NPAS2: variants seen among roughly 807,000 people sequenced by gnomAD.
NPAS2 encodes the protein neuronal PAS domain-containing protein 2.
In NPAS2, 23 loss-of-function variants were observed where a neutral mutation model predicts 107.5. That is an observed-to-expected ratio of 0.21 (90% CI 0.15 to 0.30). NPAS2 has a LOEUF of 0.30. Among genes scored for constraint, NPAS2 ranks in the 10% least tolerant of loss-of-function variants. The pLI, the probability that NPAS2 is intolerant of heterozygous loss-of-function variation, is 1.00. For synonymous variants in NPAS2, 403 were observed against 417.5 expected, an observed-to-expected ratio of 0.97 and a Z score of 0.42; for missense variants, 756 against 1,043.3, an observed-to-expected ratio of 0.72 and a Z score of 3.79.
rs1478146789 is a variant in NPAS2, at chr2:100,968,719, A to G, written c.1055+291A>G. Among the ~76,000 whole-genome samples the G allele has an allele frequency of 6.6e-6, 1 of 152,170 alleles. No individual in the cohort carries two copies. The highest frequency in any genetic ancestry group is 1.5e-5 in the Non-Finnish European group (1 of 68,028). On this transcript the variant is annotated intron_variant, in intron 11 of 20. Transcript: ENST00000335681. The surrounding 1 kb of genome is among the most constrained non-coding windows in gnomAD (Gnocchi z 5.3). ...GCAGGCTGCCAGGATATTACTTAGT[A>G]AGTGACTGCTTCACTGACCTACTTA...
At chr2:100,951,934 G>T (rs1286048096) in intron 7 of NPAS2, among the ~76,000 whole-genome samples, 2 of 152,086 alleles carry the variant, frequency 1.3e-5, no homozygotes, top group African/African-American at 4.8e-5. Context: ...CGGATCACGA[G>T]GTCAGGAGAT....
intron 1 of NPAS2, chr2:100,878,250 G>T (rs1216594077): frequency 5.1e-6 from 5 of 985,284 alleles, no homozygotes; most frequent in Non-Finnish European, 6.0e-6. Context: ...AAATATAGAG[G>T]ACTGTCCGAG....
rs142573768 is a variant in NPAS2 at position 100,959,064 on chromosome 2, G to A, written c.599-4994G>A. Among the ~76,000 whole-genome samples the A allele has an allele frequency of 1.4e-3, 195 of 135,616 alleles. 5 individuals are homozygous for A. The East Asian group carries it at 0.041, about 28-fold the overall frequency. The allele number at this position is 135,616 out of a possible 152,430, so 89.0% of individuals were successfully genotyped here. A position where few individuals can be genotyped will look rare whatever the true frequency, so the allele number is the denominator to read the frequency against. Reference sequence around the variant, plus strand: ...GCTCAGGAGTTTGAGACCAGCCTGGGCAACATGGTGAAACCCCATCTCTTC... The same window carrying A: ...GCTCAGGAGTTTGAGACCAGCCTGGACAACATGGTGAAACCCCATCTCTTC... On this transcript the variant is annotated intron_variant, in intron 7 of 20. Transcript: ENST00000335681.
chr2:100,968,494 GT>G lies in NPAS2; in HGVS notation c.1055+67del, dbSNP rs1311121258. 3 of 1,524,028 alleles carry G rather than the reference GT, an allele frequency of 2.0e-6. No homozygotes were observed. In the African/African-American group the frequency reaches 4.1e-5, roughly 21 times the overall value. 94.4% of individuals were successfully genotyped at this position (1,524,028 alleles called of 1,614,324 possible). A position where few individuals can be genotyped will look rare whatever the true frequency, so the allele number is the denominator to read the frequency against. ...ACCTGGGGGAGGGGTGCAGGATGGC[GT>G]GGCCCCTGATGGCCAAGTCAGATCA... On this transcript the variant is annotated intron_variant, in intron 11 of 20. Coordinates refer to ENST00000335681, the MANE Select transcript of NPAS2 (RefSeq NM_002518.4). This position sits in a 1 kb window ranked among gnomAD's most constrained non-coding sequence, Gnocchi z 5.3.
intron 2 of NPAS2, among the ~76,000 whole-genome samples, chr2:100,916,177 AAAC>A (rs1682870713): frequency 6.6e-6 from 1 of 152,200 alleles, no homozygotes; most frequent in South Asian, 2.1e-4. Flanking sequence ...AAGGGGAAAT[AAAC>A]AATAACCCAA....
intron 16 of NPAS2, 156 bp from the exon 17 acceptor site, chr2:100,987,923 A>G: frequency 2.6e-6 from 2 of 780,834 alleles, no homozygotes; most frequent in Non-Finnish European, 4.3e-6. Flanking sequence ...AGCTTGGGGC[A>G]TCACAGGTGC....
At chr2:100,836,016 A>C (rs1282454019) in intron 1 of NPAS2, among the ~76,000 whole-genome samples, 1 of 152,122 alleles carries the variant, frequency 6.6e-6, no homozygotes, top group Non-Finnish European at 1.5e-5. Flanking sequence ...GTAGTGATTC[A>C]CTTAACTGAT....
chr2:100,840,563 G>C (rs1677334245), intron 1 of NPAS2, among the ~76,000 whole-genome samples: 1 of 151,830 alleles, frequency 6.6e-6, no homozygotes, highest in South Asian at 2.1e-4. Context: ...CCTTCTGGTA[G>C]CCGCTTTATA....
At chr2:100,926,643 C>G (rs1038158228) in intron 3 of NPAS2, among the ~76,000 whole-genome samples, 1 of 151,618 alleles carries the variant, frequency 6.6e-6, no homozygotes, top group Non-Finnish European at 1.5e-5. Flanking sequence ...ATTGATTTTT[C>G]TTTTTATGCT....
intron 4 of NPAS2, 137 bp downstream of exon 4, chr2:100,933,138 G>C: frequency 1.6e-6 from 1 of 634,060 alleles, no homozygotes; most frequent in Non-Finnish European, 2.8e-6. Context: ...ATACCTCCCT[G>C]AGGCTCTCTG....
At chr2:100,848,248 G>C (rs563808484) in intron 1 of NPAS2, among the ~76,000 whole-genome samples, 30 of 152,106 alleles carry the variant, frequency 2.0e-4, no homozygotes, top group Non-Finnish European at 4.0e-4. Context: ...GGTCCTCAGT[G>C]GTCTGCCCAG....
chr2:100,995,326 C>T (rs1453195899), intron 20 of NPAS2, 74 bp from the exon 21 acceptor site: 18 of 1,358,744 alleles, frequency 1.3e-5, no homozygotes, highest in East Asian at 4.6e-5. Context: ...CAGCATGCCC[C>T]GCACTGCCTT....
chr2:100,988,352 T>C, intron 17 of NPAS2, 76 bp downstream of exon 17: 1 of 1,297,206 alleles, frequency 7.7e-7, no homozygotes, highest in South Asian at 1.3e-5. Context: ...CATACTTGAT[T>C]CCTGCAGCCT....
intron 1 of NPAS2, among the ~76,000 whole-genome samples, chr2:100,866,125 A>ACTT (rs1679236031): frequency 6.6e-6 from 1 of 152,176 alleles, no homozygotes; most frequent in Non-Finnish European, 1.5e-5. Context: ...TAGCTGTGCC[A>ACTT]TCAGTGAGGC....
At chr2:100,849,285 C>T (rs917634580) in intron 1 of NPAS2, among the ~76,000 whole-genome samples, 5 of 151,998 alleles carry the variant, frequency 3.3e-5, no homozygotes, top group Non-Finnish European at 5.9e-5. Flanking sequence ...ATTAAGATAC[C>T]CTAAATAGGG....
intron 1 of NPAS2, among the ~76,000 whole-genome samples, chr2:100,859,946 G>T (rs1412474805): frequency 6.6e-6 from 1 of 152,172 alleles, no homozygotes; most frequent in Non-Finnish European, 1.5e-5. Context: ...AAGGTAAGTT[G>T]CAGATATGAG....
At chr2:100,901,436 A>G in intron 1 of NPAS2, 1 of 777,668 alleles carries the variant, frequency 1.3e-6, no homozygotes, top group Non-Finnish European at 1.6e-6. Flanking sequence ...AAAGCTTAAA[A>G]AGACTCCGGA....
chr2:100,953,384 A>T (rs562015329), intron 7 of NPAS2, among the ~76,000 whole-genome samples: 20 of 151,876 alleles, frequency 1.3e-4, no homozygotes, highest in Middle Eastern at 6.8e-3. Flanking sequence ...ATAAAAAAAA[A>T]AAAAAACAAA....
chr2:100,853,066 A>G (rs768339563), intron 1 of NPAS2, among the ~76,000 whole-genome samples: 1 of 152,204 alleles, frequency 6.6e-6, no homozygotes, highest in Non-Finnish European at 1.5e-5. Flanking sequence ...CATGTGAGGT[A>G]GAGTGAAGAG....
Sources: gnomAD v4.1 joint callset for allele counts (sites outside exome capture counted in the v4.1 genomes callset) on GRCh38, gnomAD v4.1.1 for gene constraint, Gnocchi (gnomAD v3.1) non-coding constraint, MANE v1.5 for transcripts, NCBI Gene and HGNC (gene_info 2026-07-23, HGNC 2026-07-21) for gene names.